TMTC2: variants seen among roughly 807,000 people sequenced by gnomAD.
TMTC2 encodes the protein transmembrane O-mannosyltransferase targeting cadherins 2.
TMTC2 carries 43 observed loss-of-function variants against 82.4 expected under a neutral mutation model. The ratio of observed to expected loss-of-function variants is 0.52; its 90% CI spans 0.41 to 0.67. TMTC2 has a LOEUF of 0.67. Ranked by LOEUF, TMTC2 falls within the 30% of genes least tolerant of loss-of-function variation. The pLI, the probability that TMTC2 is intolerant of heterozygous loss-of-function variation, is 0.00. For synonymous variants in TMTC2, 408 were observed against 381.9 expected, an observed-to-expected ratio of 1.07 and a Z score of -0.80; for missense variants, 919 against 1,012.4, an observed-to-expected ratio of 0.91 and a Z score of 1.25.
intron 1 of TMTC2, among the ~76,000 whole-genome samples, chr12:82,748,992 G>A (rs1043985573): frequency 2.0e-5 from 3 of 152,176 alleles, no homozygotes; most frequent in Admixed American, 6.5e-5. Context: ...TTTGTGCTAC[G>A]CATTGTTTGT....
chr12:82,839,236 A>T (rs148701509), intron 1 of TMTC2, among the ~76,000 whole-genome samples: 2 of 152,214 alleles, frequency 1.3e-5, no homozygotes, highest in African/African-American at 4.8e-5. Context: ...AGGGGAAACC[A>T]TTAGAAGACA....
At chr12:82,974,756 G>C (rs1878595834) in intron 7 of TMTC2, among the ~76,000 whole-genome samples, 1 of 152,180 alleles carries the variant, frequency 6.6e-6, no homozygotes, top group Non-Finnish European at 1.5e-5. Flanking sequence ...GTTTGATGAA[G>C]CATGGACAGC....
intron 9 of TMTC2, 61 bp from the exon 10 acceptor site, chr12:83,050,843 A>G: frequency 1.7e-6 from 2 of 1,155,902 alleles, no homozygotes; most frequent in Non-Finnish European, 2.5e-6. Context: ...TTCTTTAATA[A>G]CAGCTTTATT....
chr12:82,958,374 A>AAAAAAAAAAAAAAAAAAAAAAAAAAT (rs1877733597), intron 4 of TMTC2, among the ~76,000 whole-genome samples: 1 of 84,486 alleles, frequency 1.2e-5, no homozygotes, highest in African/African-American at 5.3e-5. Context: ...AAAAAAACAA[A>AAAAAAAAAAAAAAAAAAAAAAAAAAT]AAAAACAAAA....
At chr12:83,019,543 T>C (rs1183502014) in intron 8 of TMTC2, among the ~76,000 whole-genome samples, 1 of 152,126 alleles carries the variant, frequency 6.6e-6, no homozygotes, top group Non-Finnish European at 1.5e-5. Context: ...ATCTCAGCTA[T>C]CTCAAAAGTA....
At chr12:83,101,733 A>C (rs11115588) in intron 11 of TMTC2, among the ~76,000 whole-genome samples, 20,848 of 152,122 alleles carry the variant, frequency 0.14, 1,572 homozygotes, top group East Asian at 0.26. Context: ...GGGTCCAGAG[A>C]TCTCTGGATC....
intron 11 of TMTC2, among the ~76,000 whole-genome samples, chr12:83,074,703 C>T (rs1457758414): frequency 1.3e-5 from 2 of 152,126 alleles, no homozygotes; most frequent in Non-Finnish European, 2.9e-5. Context: ...CCCAGCTACC[C>T]ACCCATGCAC....
chr12:83,079,302 A>C (rs140045381), intron 11 of TMTC2, among the ~76,000 whole-genome samples: 1 of 152,154 alleles, frequency 6.6e-6, no homozygotes, highest in East Asian at 1.9e-4. Flanking sequence ...TATAATTTTC[A>C]CTTGTTGTTT....
intron 9 of TMTC2, among the ~76,000 whole-genome samples, chr12:83,047,269 T>G (rs1882178780): frequency 6.6e-6 from 1 of 152,192 alleles, no homozygotes; most frequent in Admixed American, 6.5e-5. Flanking sequence ...AGGGAAAATT[T>G]TGTTTCTTAT....
chr12:82,988,447 C>T (rs1879262552), intron 8 of TMTC2, among the ~76,000 whole-genome samples: 1 of 152,082 alleles, frequency 6.6e-6, no homozygotes, highest in Admixed American at 6.5e-5. Flanking sequence ...CAGGTCTCTC[C>T]CCTTTGCCCA....
At chr12:82,813,675 C>G (rs1246043518) in intron 1 of TMTC2, among the ~76,000 whole-genome samples, 3 of 151,976 alleles carry the variant, frequency 2.0e-5, no homozygotes, top group Non-Finnish European at 4.4e-5. Context: ...AAATTTCTTG[C>G]CTACCCTCCC....
chr12:82,904,265 A>C (rs1874176324), intron 3 of TMTC2, among the ~76,000 whole-genome samples: 1 of 152,112 alleles, frequency 6.6e-6, no homozygotes, highest in Non-Finnish European at 1.5e-5. Context: ...TCTTCCTTTG[A>C]AAGCCTTTGC....
At chr12:82,738,235 T>C (rs1395627012) in intron 1 of TMTC2, among the ~76,000 whole-genome samples, 2 of 152,216 alleles carry the variant, frequency 1.3e-5, no homozygotes, top group East Asian at 1.9e-4. Context: ...GGCACCAATG[T>C]ATATTTTATC....
chr12:83,047,409 T>A (rs1412515225), intron 9 of TMTC2, among the ~76,000 whole-genome samples: 4 of 152,224 alleles, frequency 2.6e-5, no homozygotes, highest in African/African-American at 9.6e-5. Flanking sequence ...TTTCCATCAG[T>A]TCTCGGCTAT....
chr12:82,720,707 G>C (rs1289869890), intron 1 of TMTC2, among the ~76,000 whole-genome samples: 1 of 152,184 alleles, frequency 6.6e-6, no homozygotes, highest in East Asian at 1.9e-4. Context: ...CAGCAGTGTT[G>C]ATGTCACCAG....
intron 1 of TMTC2, among the ~76,000 whole-genome samples, chr12:82,727,614 G>A (rs1053033177): frequency 4.6e-5 from 7 of 151,844 alleles, no homozygotes; most frequent in Non-Finnish European, 1.0e-4. Context: ...CCAGCTACTC[G>A]GGAGGCTGAG....
In TMTC2 at chr12:83,069,053, G is replaced by A. The variant is rs182474381; in HGVS notation, c.2331+7222G>A. On this transcript the variant is annotated intron_variant, in intron 11 of 11. Transcript: ENST00000321196. ...TGCTGTTAATTCATTTGTTTTTATGGCTGTGTAGTATTCCATCATATACAT... is the reference window on the plus strand; with the variant it reads ...TGCTGTTAATTCATTTGTTTTTATGACTGTGTAGTATTCCATCATATACAT... Among the ~76,000 whole-genome samples, 853 of 152,192 alleles carry A rather than the reference G, an allele frequency of 5.6e-3. 6 individuals are homozygous for A. The highest frequency in any genetic ancestry group is 7.5e-3 in the Non-Finnish European group (513 of 67,998).
intron 1 of TMTC2, among the ~76,000 whole-genome samples, chr12:82,753,412 C>T (rs900246737): frequency 3.3e-5 from 5 of 149,260 alleles, no homozygotes; most frequent in Non-Finnish European, 7.4e-5. Context: ...ACTGTTTCCT[C>T]ACTGTGGTTT....
chr12:83,071,409 G>A (rs893649794), intron 11 of TMTC2, among the ~76,000 whole-genome samples: 5 of 152,044 alleles, frequency 3.3e-5, no homozygotes, highest in Admixed American at 6.5e-5. Flanking sequence ...CACCCGCCTT[G>A]GCCTCCCAAA....
Sources: allele counts gnomAD v4.1 joint callset (sites outside exome capture counted in the v4.1 genomes callset), GRCh38; gene constraint gnomAD v4.1.1; transcripts MANE v1.5; gene names NCBI Gene and HGNC (gene_info 2026-07-23, HGNC 2026-07-21).